Variants in CMIP observed in about 807,000 individuals in gnomAD.
CMIP encodes c-Maf inducing protein.
Under a neutral mutation model 97.3 loss-of-function variants are expected in CMIP, and 13 were observed. The ratio of observed to expected loss-of-function variants is 0.13; its 90% confidence interval spans 0.09 to 0.21. The LOEUF (loss-of-function observed/expected upper bound fraction) is 0.21, where lower values mean the gene tolerates loss of function less well. Ranked by LOEUF, CMIP falls within the 10% of genes least tolerant of loss-of-function variation. The probability of loss-of-function intolerance (pLI) is 1.00; values close to 1 mark genes in which losing one functional copy is unlikely to be tolerated. For missense variants in CMIP, 847 were observed against 1,024.9 expected (o/e 0.83, Z 2.37); for synonymous variants, 538 against 436.3 (o/e 1.23, Z -2.91).
intron 7 of CMIP, among the ~76,000 whole-genome samples, chr16:81,669,057 A>G (rs2092647141): frequency 8.1e-6 from 1 of 123,030 alleles, no homozygotes; most frequent in Non-Finnish European, 1.7e-5. Flanking sequence ...CTCCTTCCAC[A>G]CCCACCTCTC....
intron 1 of CMIP, among the ~76,000 whole-genome samples, chr16:81,572,165 C>T (rs1411610814): frequency 3.3e-5 from 5 of 152,238 alleles, no homozygotes; most frequent in African/African-American, 7.2e-5. Context: ...CCTTCAGCTC[C>T]GCGTCTGAAG....
At chr16:81,695,805 A>G (rs1906648842) in intron 13 of CMIP, 1 of 152,968 alleles carries the variant, frequency 6.5e-6, no homozygotes, top group Non-Finnish European at 1.5e-5. Flanking sequence ...TGCTTTTGGC[A>G]CTGAAATTGC....
chr16:81,562,579 G>T (rs115796086), intron 1 of CMIP, among the ~76,000 whole-genome samples: 74 of 152,368 alleles, frequency 4.9e-4, no homozygotes, highest in African/African-American at 1.6e-3. Context: ...GGCTGCCAGG[G>T]TGTCCTCTCC....
At chr16:81,493,422 C>T (rs927122315) in intron 1 of CMIP, among the ~76,000 whole-genome samples, 2 of 149,920 alleles carry the variant, frequency 1.3e-5, no homozygotes, top group African/African-American at 2.4e-5. Context: ...ATGGGAATGT[C>T]GCCCACTTCC....
intron 10 of CMIP, 183 bp from the exon 11 acceptor site, chr16:81,691,592 T>C (rs1295386540): frequency 6.3e-6 from 4 of 632,266 alleles, no homozygotes; most frequent in Non-Finnish European, 1.1e-5. Flanking sequence ...CAGTTGTGAG[T>C]CCTTGAGGCC....
intron 1 of CMIP, among the ~76,000 whole-genome samples, chr16:81,455,786 C>G (rs1329569070): frequency 6.6e-6 from 1 of 152,176 alleles, no homozygotes; most frequent in African/African-American, 2.4e-5. Context: ...ACTCCAAATC[C>G]CAGGCCTGAG....
intron 1 of CMIP, among the ~76,000 whole-genome samples, chr16:81,486,320 GTCCA>G (rs79074172): frequency 0.11 from 16,160 of 152,180 alleles, 956 homozygotes; most frequent in South Asian, 0.14. Context: ...CATCTGTTTC[GTCCA>G]TCCACTAGGC....
At chr16:81,593,154 C>T (rs72829082) in intron 1 of CMIP, among the ~76,000 whole-genome samples, 2,554 of 152,304 alleles carry the variant, frequency 0.017, 27 homozygotes, top group Non-Finnish European at 0.025. Flanking sequence ...AATGAGCCCA[C>T]GTCCTGCCTC....
chr16:81,561,147 G>T (rs1010379582), intron 1 of CMIP, among the ~76,000 whole-genome samples: 1 of 152,162 alleles, frequency 6.6e-6, no homozygotes, highest in East Asian at 1.9e-4. Flanking sequence ...TAGAGACAGG[G>T]TTTCACCATG....
At chr16:81,465,071 A>G (rs1907120886) in intron 1 of CMIP, among the ~76,000 whole-genome samples, 1 of 152,196 alleles carries the variant, frequency 6.6e-6, no homozygotes, top group Non-Finnish European at 1.5e-5. Flanking sequence ...ATATACATCT[A>G]CGAGCGGACA....
chr16:81,670,785 G>A (rs761387733), intron 8 of CMIP, among the ~76,000 whole-genome samples: 4 of 152,094 alleles, frequency 2.6e-5, no homozygotes, highest in South Asian at 2.1e-4. Context: ...CGGAAGTCTC[G>A]TGTCAGGCCG....
chr16:81,670,307 T>G, intron 8 of CMIP, 62 bp downstream of exon 8: 1 of 1,512,948 alleles, frequency 6.6e-7, no homozygotes, highest in South Asian at 1.2e-5. Flanking sequence ...GGATCCTGTT[T>G]ACTCAGATAT....
At chr16:81,629,097 C>G (rs1445627068) in intron 3 of CMIP, among the ~76,000 whole-genome samples, 1 of 125,268 alleles carries the variant, frequency 8.0e-6, no homozygotes, top group Non-Finnish European at 1.6e-5. Context: ...GATGGTGCCA[C>G]TATACTCCAG....
intron 1 of CMIP, among the ~76,000 whole-genome samples, chr16:81,590,830 TCCATCCATCC>T (rs1403620540): frequency 1.7e-5 from 2 of 117,764 alleles, no homozygotes; most frequent in African/African-American, 1.3e-4. Flanking sequence ...CTCTCATCCA[TCCATCCATCC>T]ATCCATCCAT....
At chr16:81,463,051 G>T (rs898028154) in intron 1 of CMIP, among the ~76,000 whole-genome samples, 2 of 151,452 alleles carry the variant, frequency 1.3e-5, no homozygotes, top group Admixed American at 6.6e-5. Flanking sequence ...CTATCATGGA[G>T]GCTACCTGGC....
At chr16:81,610,654 A>C (rs936205376) in intron 2 of CMIP, 2 of 431,440 alleles carry the variant, frequency 4.6e-6, no homozygotes, top group Non-Finnish European at 6.2e-6. Context: ...CCTCACCCCC[A>C]CACTCTGCCC....
rs948075223 is a variant in CMIP at position 81,494,259 on chromosome 16, C to T, written c.300+48718C>T. Among the ~76,000 whole-genome samples, 3 of 152,308 alleles carry T rather than the reference C, an allele frequency of 2.0e-5. No homozygotes were observed. In the South Asian group the frequency reaches 6.2e-4, roughly 32 times the overall value. ...GACTCGTCTTTCATCCTTCCCCTCT[C>T]GGTTGCCAGCCCAGTGCTGGAGGGA... On this transcript the variant is annotated intron_variant, in intron 1 of 20. Transcript: ENST00000537098.
intron 10 of CMIP, among the ~76,000 whole-genome samples, chr16:81,683,756 CTTTTTTT>C (rs71272426): frequency 0.014 from 1,155 of 81,644 alleles, 18 homozygotes; most frequent in African/African-American, 0.057. Flanking sequence ...TTTTCTTTTT[CTTTTTTT>C]TTTTTTTTTT....
At chr16:81,499,862 G>A (rs1171224581) in intron 1 of CMIP, among the ~76,000 whole-genome samples, 1 of 152,258 alleles carries the variant, frequency 6.6e-6, no homozygotes, top group Admixed American at 6.5e-5. Context: ...GTCTGGGCTT[G>A]TCAGCCCGGG....
Sources: allele counts gnomAD v4.1 joint callset (sites outside exome capture counted in the v4.1 genomes callset), GRCh38; gene constraint gnomAD v4.1.1; transcripts MANE v1.5; gene names NCBI Gene and HGNC (gene_info 2026-07-23, HGNC 2026-07-21).